PHEX: variants seen among roughly 807,000 people sequenced by gnomAD.
The protein encoded by PHEX is phosphate-regulating neutral endopeptidase PHEX.
Under a neutral mutation model 68.0 loss-of-function variants are expected in PHEX, and 16 were observed. The observed-to-expected ratio is 0.24, with a 90% confidence interval of 0.16 to 0.36. The LOEUF (loss-of-function observed/expected upper bound fraction) is 0.36, where lower values mean the gene tolerates loss of function less well. Among genes scored for constraint, PHEX ranks in the 10% least tolerant of loss-of-function variants. PHEX has a pLI of 1.00. For missense variants in PHEX, 480 were observed against 575.5 expected, an observed-to-expected ratio of 0.83 and a Z score of 1.70; for synonymous variants, 208 against 205.1, an observed-to-expected ratio of 1.01 and a Z score of -0.12.
chrX:22,167,516 G>A (rs1255815855), intron 12 of PHEX, among the ~76,000 whole-genome samples: 3 of 91,109 alleles, frequency 3.3e-5, no homozygotes, highest in Non-Finnish European at 6.2e-5. Context: ...TTTGGAGACA[G>A]GGTCTTGTTC....
intron 6 of PHEX, among the ~76,000 whole-genome samples, chrX:22,092,486 C>T (rs1260113195): frequency 9.0e-6 from 1 of 110,846 alleles, no homozygotes; most frequent in African/African-American, 3.3e-5. Context: ...GATTCTCCCA[C>T]CTCAGCCTCC....
intron 15 of PHEX, among the ~76,000 whole-genome samples, chrX:22,207,933 A>G (rs965952921): frequency 9.0e-6 from 1 of 110,529 alleles, no homozygotes; most frequent in African/African-American, 3.3e-5. Context: ...CATGTGCACA[A>G]TGTGCAGGTT....
chrX:22,122,269 A>G (rs191977279), intron 11 of PHEX, among the ~76,000 whole-genome samples: 40 of 111,109 alleles, frequency 3.6e-4, no homozygotes, highest in African/African-American at 1.3e-3. Flanking sequence ...CAAATTGTGA[A>G]AGAAAGGATA....
chrX:22,247,750 A>T (rs1936432835), intron 21 of PHEX, 101 bp from the exon 22 acceptor site: 2 of 621,905 alleles, frequency 3.2e-6, no homozygotes, highest in Non-Finnish European at 5.3e-6. Context: ...AGATTAAAAG[A>T]ATGCCAACCT....
chrX:22,124,191 C>G (rs1931617730), intron 11 of PHEX, among the ~76,000 whole-genome samples: 1 of 111,708 alleles, frequency 9.0e-6, no homozygotes, highest in Non-Finnish European at 1.9e-5. Context: ...CTTGTTACAA[C>G]AAATATCATC....
At chrX:22,157,286 G>A (rs370410444) in intron 12 of PHEX, among the ~76,000 whole-genome samples, 4 of 112,325 alleles carry the variant, frequency 3.6e-5, no homozygotes, top group South Asian at 3.7e-4. Flanking sequence ...GAGTCCAGGA[G>A]TTTGAGACAA....
chrX:22,249,564 A>G lies in PHEX; in HGVS notation c.*1611A>G, dbSNP rs1936514527. ...GAATGGAGAAAAATGGAGGGGCACCATCATGAGGAAACAATTATACTGCAT... is the reference window on the plus strand; with the variant it reads ...GAATGGAGAAAAATGGAGGGGCACCGTCATGAGGAAACAATTATACTGCAT... On this transcript the variant is annotated 3_prime_UTR_variant, in exon 22 of 22. Transcript: ENST00000379374. The G allele has an allele frequency of 1.0e-5, 1 of 100,004 alleles. No individual in the cohort carries two copies. The highest frequency in any genetic ancestry group is 2.0e-5 in the Non-Finnish European group (1 of 50,347). 8.2% of individuals were successfully genotyped at this position (100,004 alleles called of 1,213,427 possible).
chrX:22,225,372 A>ATCTT (rs1380521739), intron 18 of PHEX, among the ~76,000 whole-genome samples: 1 of 111,278 alleles, frequency 9.0e-6, no homozygotes, highest in South Asian at 3.8e-4. Context: ...CTGTGCCTGA[A>ATCTT]TCTTTCTTTC....
At chrX:22,131,183 GCGCC>G (rs1166773499) in intron 11 of PHEX, among the ~76,000 whole-genome samples, 20 of 110,197 alleles carry the variant, frequency 1.8e-4, no homozygotes, top group Non-Finnish European at 3.4e-4. Context: ...GGGATTACAG[GCGCC>G]TGCTACTACA....
chrX:22,170,455 C>T (rs1907267666), intron 13 of PHEX, among the ~76,000 whole-genome samples: 1 of 111,549 alleles, frequency 9.0e-6, no homozygotes, highest in African/African-American at 3.3e-5. Flanking sequence ...TGCCTTTCTT[C>T]ATCTGAAGAA....
rs539005958 is a variant in PHEX, at chrX:22,033,109, C to T, written c.104C>T (p.Thr35Met). Reference sequence around the variant, plus strand: ...GTCGGTGGCACCCTAGTTCTGGGCACGATCCTCTTTCTAGGTAAGTGGAGT... The same window carrying T: ...GTCGGTGGCACCCTAGTTCTGGGCATGATCCTCTTTCTAGGTAAGTGGAGT... ...VFVGGTLVLGTILFLVSQGLL... is the reference protein window; with the variant it reads ...VFVGGTLVLGMILFLVSQGLL... The change falls in exon 1 of 22, where the codon ACG becomes ATG. Residue 35 changes from threonine (T) to methionine (M), a missense_variant. Coordinates refer to ENST00000379374, the MANE Select transcript of PHEX (RefSeq NM_000444.6). 3.3e-5 allele frequency: 39 copies of T among 1,194,267 alleles called. No homozygotes were observed. Among genetic ancestry groups the T allele is most frequent in the African/African-American group, 1.8e-4 (10 of 56,669 alleles).
chrX:22,116,633 A>G (rs1931245423), intron 11 of PHEX, among the ~76,000 whole-genome samples: 1 of 111,715 alleles, frequency 9.0e-6, no homozygotes, highest in East Asian at 2.8e-4. Flanking sequence ...ATACATGATT[A>G]TGTATTATGC....
chrX:22,154,428 C>A (rs5951711), intron 12 of PHEX, among the ~76,000 whole-genome samples: 52,648 of 109,597 alleles, frequency 0.48, 11,104 homozygotes, highest in African/African-American at 0.79. Flanking sequence ...AGGCATGAGA[C>A]TCCCCTATAG....
chrX:22,159,651 GTGT>G (rs1352588636), intron 12 of PHEX, among the ~76,000 whole-genome samples: 1 of 112,561 alleles, frequency 8.9e-6, no homozygotes, highest in Non-Finnish European at 1.9e-5. Flanking sequence ...ATTCATTTAT[GTGT>G]TGTTCTAGCT....
chrX:22,225,017 G>C (rs1385699706), intron 18 of PHEX, among the ~76,000 whole-genome samples: 1 of 968 alleles, frequency 1.0e-3, no homozygotes, highest in African/African-American at 1.9e-3. Flanking sequence ...ATGGATCTCA[G>C]TGGACTAAAA....
chrX:22,156,029 T>C (rs1023200570), intron 12 of PHEX, among the ~76,000 whole-genome samples: 2 of 111,907 alleles, frequency 1.8e-5, no homozygotes, highest in Non-Finnish European at 3.8e-5. Context: ...CAACTTTTCC[T>C]TTACCACTTT....
chrX:22,191,689 G>A (rs1934203308), intron 15 of PHEX, among the ~76,000 whole-genome samples: 1 of 112,246 alleles, frequency 8.9e-6, no homozygotes, highest in Non-Finnish European at 1.9e-5. Flanking sequence ...TGATTGTAAT[G>A]TATGCTAAAG....
chrX:22,147,901 T>C (rs1442623498), intron 12 of PHEX, among the ~76,000 whole-genome samples: 2 of 55,236 alleles, frequency 3.6e-5, no homozygotes, highest in African/African-American at 1.5e-4. Flanking sequence ...TTTTGGAGTT[T>C]TGTGCTATGT....
intron 12 of PHEX, among the ~76,000 whole-genome samples, chrX:22,154,966 C>T (rs1466205495): frequency 8.9e-6 from 1 of 112,539 alleles, no homozygotes; most frequent in Non-Finnish European, 1.9e-5. Context: ...GGCTCGAGTG[C>T]AGTGGCATGA....
Sources: allele counts gnomAD v4.1 joint callset (sites outside exome capture counted in the v4.1 genomes callset), GRCh38; gene constraint gnomAD v4.1.1; transcripts MANE v1.5; gene names NCBI Gene and HGNC (gene_info 2026-07-23, HGNC 2026-07-21).